The following ENOX1 variants were observed in gnomAD, a reference collection of about 807,000 sequenced individuals.
ENOX1 encodes the protein candidate growth-related and time keeping constitutive hydroquinone (NADH) oxidase.
A neutral mutation model predicts 82.5 loss-of-function variants in ENOX1; 42 were observed. That is an observed-to-expected ratio of 0.51 (90% CI 0.40 to 0.66). The LOEUF (loss-of-function observed/expected upper bound fraction) is 0.66. Ranked by LOEUF, ENOX1 falls within the 30% of genes least tolerant of loss-of-function variation. ENOX1 has a pLI of 0.00. For synonymous variants in ENOX1, 271 were observed against 282.2 expected (o/e 0.96, Z 0.40); for missense variants, 608 against 811.6 (o/e 0.75, Z 3.05).
intron 3 of ENOX1, among the ~76,000 whole-genome samples, chr13:43,435,947 C>G (rs1337465948): frequency 1.4e-5 from 2 of 145,482 alleles, no homozygotes; most frequent in African/African-American, 2.5e-5. Context: ...AAAAAAAAAC[C>G]AACCTATGTG....
chr13:43,407,732 T>C (rs1046761724), intron 5 of ENOX1, among the ~76,000 whole-genome samples: 1 of 152,178 alleles, frequency 6.6e-6, no homozygotes, highest in Non-Finnish European at 1.5e-5. Context: ...CCACCATTGT[T>C]AGGCCACCTA....
At chr13:43,703,708 C>T (rs1036703828) in intron 1 of ENOX1, among the ~76,000 whole-genome samples, 2 of 152,186 alleles carry the variant, frequency 1.3e-5, no homozygotes, top group South Asian at 4.2e-4. Context: ...AAGACTTTAC[C>T]TGTTTTGTTT....
At position 43,265,485 on chromosome 13, in the gene ENOX1, C is replaced by T. The variant is rs140882575; in HGVS notation, c.1555-31G>A. On this transcript the variant is annotated intron_variant, in intron 13 of 16. Transcript: ENST00000690772. ...AATTTTAAGGAAAAACAACACAAAA[C>T]AAAAAAATGAATAAGCAAGCAAATC... 3.8e-3 allele frequency: 6,059 copies of T among 1,586,086 alleles called. 27 individuals carry two copies. Among genetic ancestry groups the T allele is most frequent in the Middle Eastern group, 8.4e-3 (50 of 5,958 alleles).
In ENOX1 at chr13:43,613,882, C is replaced by T. The variant is rs114082366; in HGVS notation, c.-219+53597G>A. On this transcript the variant is annotated intron_variant, in intron 2 of 16. Coordinates refer to ENST00000690772, the MANE Select transcript of ENOX1 (RefSeq NM_001347969.2). ...GGAGGCGGAGGTTGCAGTGAGCCGC[C>T]GAGATCATGCCACTGCATTCCAGCT... 1.6e-3 allele frequency among the ~76,000 whole-genome samples: 244 copies of T among 151,938 alleles called. 2 individuals carry two copies. In the Middle Eastern group the frequency reaches 0.017, roughly 11 times the overall value.
chr13:43,346,314 T>C (rs1256986712), intron 8 of ENOX1, among the ~76,000 whole-genome samples: 2 of 152,174 alleles, frequency 1.3e-5, no homozygotes, highest in Non-Finnish European at 2.9e-5. Context: ...AAGCAGCTTT[T>C]AGGGATGTAC....
chr13:43,344,212 A>G (rs1434409092), intron 9 of ENOX1, among the ~76,000 whole-genome samples: 1 of 152,134 alleles, frequency 6.6e-6, no homozygotes, highest in Non-Finnish European at 1.5e-5. Context: ...CTGCAGGTGA[A>G]CGGTGGCGGC....
rs1403749821 is a variant in ENOX1, at chr13:43,458,116, T to A, written c.-75+25893A>T. Among the ~76,000 whole-genome samples, 4 of 152,324 alleles carry A rather than the reference T, an allele frequency of 2.6e-5. No homozygotes were observed. The East Asian group carries it at 5.8e-4, about 22-fold the overall frequency. ...CTCAATTATGGACCAATAACTTTTT[T>A]AAAAAAGTTAACTATGTTGTCAACA... On this transcript the variant is annotated intron_variant, in intron 3 of 16. Coordinates refer to ENST00000690772, the MANE Select transcript of ENOX1 (RefSeq NM_001347969.2).
At chr13:43,447,726 C>T (rs1419883854) in intron 3 of ENOX1, among the ~76,000 whole-genome samples, 1 of 152,108 alleles carries the variant, frequency 6.6e-6, no homozygotes, top group African/African-American at 2.4e-5. Flanking sequence ...GCTGCCATAA[C>T]AGCTGATGGA....
At chr13:43,650,734 A>G (rs988115032) in intron 2 of ENOX1, among the ~76,000 whole-genome samples, 3 of 152,182 alleles carry the variant, frequency 2.0e-5, no homozygotes, top group African/African-American at 4.8e-5. Context: ...GTTAATTGGG[A>G]GGCTGAGGCA....
chr13:43,432,129 G>A (rs1453558147), intron 3 of ENOX1, among the ~76,000 whole-genome samples: 1 of 152,090 alleles, frequency 6.6e-6, no homozygotes, highest in Admixed American at 6.5e-5. Context: ...GCTCCTCGTT[G>A]TGTGGTGTGG....
At chr13:43,214,411 G>C (rs972172295) in intron 16 of ENOX1, among the ~76,000 whole-genome samples, 2 of 152,122 alleles carry the variant, frequency 1.3e-5, no homozygotes, top group African/African-American at 4.8e-5. Context: ...GCCCTCCCCT[G>C]ATATAAAAGG....
chr13:43,537,229 T>C (rs915852049), intron 2 of ENOX1, among the ~76,000 whole-genome samples: 1 of 152,134 alleles, frequency 6.6e-6, no homozygotes, highest in Non-Finnish European at 1.5e-5. Flanking sequence ...GAGCTACACA[T>C]AACTGCCACT....
chr13:43,458,843 T>C (rs987346272), intron 3 of ENOX1: 1 of 152,204 alleles, frequency 6.6e-6, no homozygotes, highest in African/African-American at 2.4e-5. Flanking sequence ...TATGAGTTTA[T>C]TCAAGGTATC....
At chr13:43,775,576 A>C (rs1007000085) in intron 1 of ENOX1, among the ~76,000 whole-genome samples, 1 of 152,212 alleles carries the variant, frequency 6.6e-6, no homozygotes, top group Non-Finnish European at 1.5e-5. Flanking sequence ...TACAATGCCT[A>C]AACTGCTCCT....
intron 1 of ENOX1, among the ~76,000 whole-genome samples, chr13:43,750,501 C>CA (rs1296216061): frequency 1.3e-5 from 2 of 152,178 alleles, no homozygotes; most frequent in Non-Finnish European, 2.9e-5. Context: ...GGCTCAACTA[C>CA]ACTGAGATAC....
intron 2 of ENOX1, among the ~76,000 whole-genome samples, chr13:43,636,014 T>C (rs143611085): frequency 6.6e-6 from 1 of 152,294 alleles, no homozygotes; most frequent in Non-Finnish European, 1.5e-5. Flanking sequence ...ACAGCCAGAA[T>C]TGCTGTCAGC....
chr13:43,275,238 C>T (rs1222776168), intron 12 of ENOX1, among the ~76,000 whole-genome samples: 1 of 152,114 alleles, frequency 6.6e-6, no homozygotes, highest in African/African-American at 2.4e-5. Context: ...ATTTGACGTC[C>T]CTTTAAGAAC....
At chr13:43,389,458 A>G (rs1430357047) in intron 5 of ENOX1, among the ~76,000 whole-genome samples, 5 of 152,372 alleles carry the variant, frequency 3.3e-5, no homozygotes, top group Admixed American at 6.5e-5. Context: ...TTTTGGAAAT[A>G]TCAAAATTTA....
At chr13:43,768,953 C>G (rs1951437822) in intron 1 of ENOX1, among the ~76,000 whole-genome samples, 1 of 152,192 alleles carries the variant, frequency 6.6e-6, no homozygotes, top group South Asian at 2.1e-4. Context: ...ATACTTAACA[C>G]TGTGTTGCTT....
Sources: gnomAD v4.1 joint callset for allele counts (sites outside exome capture counted in the v4.1 genomes callset) on GRCh38, gnomAD v4.1.1 for gene constraint, MANE v1.5 for transcripts, NCBI Gene and HGNC (gene_info 2026-07-23, HGNC 2026-07-21) for gene names.